Variants in SUPT3H observed in about 807,000 individuals in gnomAD.
The protein encoded by SUPT3H is transcription initiation protein SPT3 homolog.
A neutral mutation model predicts 44.3 loss-of-function variants in SUPT3H; 44 were observed. The ratio of observed to expected loss-of-function variants is 0.99; its 90% CI spans 0.78 to 1.28. The LOEUF (loss-of-function observed/expected upper bound fraction) is 1.28. Ranked by LOEUF, SUPT3H falls within the 50% of genes most tolerant of loss-of-function variation. The pLI, the probability that SUPT3H is intolerant of heterozygous loss-of-function variation, is 0.00. For synonymous variants in SUPT3H, 124 were observed against 125.6 expected, an observed-to-expected ratio of 0.99 and a Z score of 0.09; for missense variants, 380 against 387.1, an observed-to-expected ratio of 0.98 and a Z score of 0.15.
intron 3 of SUPT3H, among the ~76,000 whole-genome samples, chr6:45,069,141 A>G (rs1311756707): frequency 1.3e-5 from 2 of 152,182 alleles, no homozygotes; most frequent in African/African-American, 4.8e-5. Context: ...GTGAAGGATA[A>G]AGAGGGATTA....
rs1234134839 is a variant in SUPT3H, at chr6:45,288,591, A to G, written c.101+76610T>C. ...TATATATATATATATATGTATATAT[A>G]TATATGTGTATATATATATATGTAT... On this transcript the variant is annotated intron_variant, in intron 2 of 10. Coordinates refer to ENST00000371459, the MANE Select transcript of SUPT3H (RefSeq NM_003599.4). Among the ~76,000 whole-genome samples, 250 of 36,744 alleles carry G rather than the reference A, an allele frequency of 6.8e-3. 4 individuals are homozygous for G. Among genetic ancestry groups the G allele is most frequent in the African/African-American group, 0.015 (212 of 14,266 alleles). The allele number at this position is 36,744 out of a possible 152,430, so 24.1% of individuals were successfully genotyped here. A position where few individuals can be genotyped will look rare whatever the true frequency, so the allele number is the denominator to read the frequency against.
intron 6 of SUPT3H, among the ~76,000 whole-genome samples, chr6:44,968,356 T>A (rs1033772197): frequency 4.6e-5 from 7 of 152,162 alleles, no homozygotes; most frequent in African/African-American, 9.7e-5. Context: ...TGCAGAAGGA[T>A]AATATTAACA....
Position 44,829,571 on chromosome 6 carries a change from T to C in SUPT3H, c.*245A>G. On this transcript the variant is annotated 3_prime_UTR_variant, in exon 11 of 11. Coordinates refer to ENST00000371459, the MANE Select transcript of SUPT3H (RefSeq NM_003599.4). ...AAATTTCAAAACTGTGTGATCTGCA[T>C]TCTTGTCCACCTACAGACTATCCTA... 1 of 425,006 alleles carries C rather than the reference T, an allele frequency of 2.4e-6. No individual in the cohort carries two copies. The highest frequency in any genetic ancestry group is 4.2e-6 in the Non-Finnish European group (1 of 237,558). The allele number at this position is 425,006 out of a possible 1,614,324, so 26.3% of individuals were successfully genotyped here. A position where few individuals can be genotyped will look rare whatever the true frequency, so the allele number is the denominator to read the frequency against.
At chr6:45,359,720 A>C (rs185705743) in intron 2 of SUPT3H, among the ~76,000 whole-genome samples, 1 of 152,310 alleles carries the variant, frequency 6.6e-6, no homozygotes, top group East Asian at 1.9e-4. Context: ...GTTGTTAGAT[A>C]TAGGAAACTG....
At chr6:45,053,663 C>T (rs932449859) in intron 3 of SUPT3H, among the ~76,000 whole-genome samples, 14 of 149,174 alleles carry the variant, frequency 9.4e-5, no homozygotes, top group Non-Finnish European at 2.1e-4. Flanking sequence ...CTTTGGGAGG[C>T]CGAAGCAGGC....
At chr6:45,018,055 C>T (rs1209681477) in intron 4 of SUPT3H, among the ~76,000 whole-genome samples, 1 of 151,968 alleles carries the variant, frequency 6.6e-6, no homozygotes, top group Non-Finnish European at 1.5e-5. Flanking sequence ...TTGAAGAGGT[C>T]CTTCATGTCC....
chr6:45,233,843 A>T (rs1204664278), intron 2 of SUPT3H, among the ~76,000 whole-genome samples: 1 of 152,174 alleles, frequency 6.6e-6, no homozygotes, highest in Non-Finnish European at 1.5e-5. Context: ...CTCTAAAGGA[A>T]AATCTTTCCC....
At chr6:44,900,676 G>C (rs1341864070) in intron 10 of SUPT3H, among the ~76,000 whole-genome samples, 1 of 152,142 alleles carries the variant, frequency 6.6e-6, no homozygotes, top group Non-Finnish European at 1.5e-5. Flanking sequence ...AGAGAGTAGT[G>C]GTTCTCCCAG....
At chr6:45,357,516 C>A (rs1380219608) in intron 2 of SUPT3H, among the ~76,000 whole-genome samples, 1 of 151,832 alleles carries the variant, frequency 6.6e-6, no homozygotes, top group African/African-American at 2.4e-5. Context: ...GTAGAGACAG[C>A]GTCTCAAGTA....
chr6:45,333,789 C>A (rs931448676), intron 2 of SUPT3H, among the ~76,000 whole-genome samples: 4 of 151,172 alleles, frequency 2.6e-5, no homozygotes, highest in Non-Finnish European at 5.9e-5. Context: ...CATGCACTTC[C>A]TCTACTCTAT....
intron 6 of SUPT3H, among the ~76,000 whole-genome samples, chr6:44,996,886 T>C (rs1781347544): frequency 6.6e-6 from 1 of 151,864 alleles, no homozygotes; most frequent in Non-Finnish European, 1.5e-5. Flanking sequence ...TCAGTAGTTC[T>C]ATAATTGTCT....
rs538861203 is a variant in SUPT3H, at chr6:45,177,427, C to T, written c.102-71421G>A. Among the ~76,000 whole-genome samples, 389 of 152,186 alleles carry T rather than the reference C, an allele frequency of 2.6e-3. 3 individuals carry two copies. The highest frequency in any genetic ancestry group is 8.5e-3 in the African/African-American group (355 of 41,536). ...AGAAATATGGGACTATGTGAAAAGA[C>T]CAAATCTACGTCTGATTGGTGTACT... On this transcript the variant is annotated intron_variant, in intron 2 of 10. Transcript: ENST00000371459.
chr6:44,978,253 C>A (rs1778612599), intron 6 of SUPT3H, among the ~76,000 whole-genome samples: 1 of 152,150 alleles, frequency 6.6e-6, no homozygotes, highest in African/African-American at 2.4e-5. Flanking sequence ...ATGTGCTGAA[C>A]TGAGCCAGGT....
chr6:45,043,482 C>T (rs1052337899), intron 3 of SUPT3H, among the ~76,000 whole-genome samples: 2 of 152,028 alleles, frequency 1.3e-5, no homozygotes, highest in Non-Finnish European at 2.9e-5. Flanking sequence ...CCTCCTCAGG[C>T]AAAATTCCCA....
intron 9 of SUPT3H, among the ~76,000 whole-genome samples, chr6:44,951,429 A>G (rs976991373): frequency 7.2e-5 from 11 of 152,264 alleles, no homozygotes; most frequent in African/African-American, 2.6e-4. Context: ...TTTGATGTAC[A>G]GGCCCTTGAT....
At chr6:45,115,216 C>T (rs1800663767) in intron 2 of SUPT3H, among the ~76,000 whole-genome samples, 1 of 152,040 alleles carries the variant, frequency 6.6e-6, no homozygotes, top group South Asian at 2.1e-4. Flanking sequence ...AAAGTTAAGA[C>T]ATTTACCCGG....
intron 1 of SUPT3H, among the ~76,000 whole-genome samples, chr6:45,373,317 A>C (rs946548534): frequency 6.6e-6 from 1 of 152,086 alleles, no homozygotes; most frequent in African/African-American, 2.4e-5. Context: ...TCAGAGGGAG[A>C]ACTACAGTAC....
intron 2 of SUPT3H, among the ~76,000 whole-genome samples, chr6:45,157,575 G>A (rs1274329706): frequency 1.3e-5 from 2 of 151,602 alleles, no homozygotes; most frequent in Admixed American, 1.3e-4. Flanking sequence ...TTGAGATGGA[G>A]TCTCACTGTG....
intron 2 of SUPT3H, among the ~76,000 whole-genome samples, chr6:45,179,425 A>G (rs1812678099): frequency 6.6e-6 from 1 of 152,206 alleles, no homozygotes; most frequent in South Asian, 2.1e-4. Context: ...GACACAACCA[A>G]ATAGGAGAAT....
Sources: gnomAD v4.1 joint callset for allele counts (sites outside exome capture counted in the v4.1 genomes callset) on GRCh38, gnomAD v4.1.1 for gene constraint, MANE v1.5 for transcripts, NCBI Gene and HGNC (gene_info 2026-07-23, HGNC 2026-07-21) for gene names.